Variants in CTNNA3 observed in about 807,000 individuals in gnomAD.
CTNNA3 encodes the protein catenin alpha 3, also known as catenin alpha-3.
In CTNNA3, 76 loss-of-function variants were observed where a neutral mutation model predicts 95.7. The ratio of observed to expected loss-of-function variants is 0.79; its 90% confidence interval spans 0.66 to 0.96. The LOEUF (loss-of-function observed/expected upper bound fraction) is 0.96. Among genes scored for constraint, CTNNA3 ranks in the 40% least tolerant of loss-of-function variants. CTNNA3 has a pLI of 0.00. For missense variants in CTNNA3, 1,191 were observed against 1,089.8 expected (o/e 1.09, Z -1.31); for synonymous variants, 431 against 374.4 (o/e 1.15, Z -1.74).
intron 13 of CTNNA3, among the ~76,000 whole-genome samples, chr10:66,232,023 T>C (rs1334466609): frequency 1.3e-5 from 2 of 152,148 alleles, no homozygotes; most frequent in African/African-American, 2.4e-5. Context: ...AAGATACAGA[T>C]CCAAGAATAT....
intron 5 of CTNNA3, among the ~76,000 whole-genome samples, chr10:67,419,890 C>T (rs1421686935): frequency 4.6e-5 from 7 of 151,560 alleles, no homozygotes; most frequent in Admixed American, 6.6e-5. Flanking sequence ...CTCGCTCTGT[C>T]GCCCAGGCTG....
At position 67,180,474 on chromosome 10, in the gene CTNNA3, C is replaced by T. The variant is rs201596778; in HGVS notation, c.890G>A (p.Arg297Gln). Residue 297 changes from arginine (R) to glutamine (Q), a missense_variant, in exon 7 of 18, where the codon CGA becomes CAA. Coordinates refer to ENST00000433211, the MANE Select transcript of CTNNA3 (RefSeq NM_013266.4). The part of the protein sequence containing the change: ...NPLTVTEEEI[R>Q]PSLEKRLEAI... Reference sequence around the variant, plus strand: ...TTCAAGGCGTTTCTCTAGTGATGGTCGTATTTCCTCCTCAGTTACTGTGAG... The same window carrying T: ...TTCAAGGCGTTTCTCTAGTGATGGTTGTATTTCCTCCTCAGTTACTGTGAG... 8.7e-6 allele frequency: 14 copies of T among 1,613,650 alleles called. No homozygotes were observed. Among genetic ancestry groups the T allele is most frequent in the East Asian group, 6.7e-5 (3 of 44,846 alleles).
At chr10:66,902,508 G>C (rs577336337) in intron 7 of CTNNA3, among the ~76,000 whole-genome samples, 16 of 152,238 alleles carry the variant, frequency 1.1e-4, no homozygotes, top group Non-Finnish European at 1.8e-4. Flanking sequence ...AAAGCTAGCA[G>C]AAGGCTAAAA....
rs944524366 is a variant in CTNNA3, at chr10:65,918,099, T to C, written c.*2231A>G. 8.5e-5 allele frequency: 13 copies of C among 152,282 alleles called. No homozygotes were observed. Among genetic ancestry groups the C allele is most frequent in the African/African-American group, 2.9e-4 (12 of 41,566 alleles). 9.4% of individuals were successfully genotyped at this position (152,282 alleles called of 1,614,324 possible). ...ATCTGCCTGGGTTAAAGAGGAGAACTTGTTCACATCTCACTTTGGGTAAAA... is the reference window on the plus strand; with the variant it reads ...ATCTGCCTGGGTTAAAGAGGAGAACCTGTTCACATCTCACTTTGGGTAAAA... On this transcript the variant is annotated 3_prime_UTR_variant, in exon 18 of 18. Coordinates refer to ENST00000433211, the MANE Select transcript of CTNNA3 (RefSeq NM_013266.4).
intron 11 of CTNNA3, among the ~76,000 whole-genome samples, chr10:66,453,090 A>T (rs929744305): frequency 6.6e-6 from 1 of 151,844 alleles, no homozygotes; most frequent in Non-Finnish European, 1.5e-5. Context: ...GGCGGCATGC[A>T]CCTGTAGTCC....
At chr10:66,065,953 T>A (rs1191039568) in intron 15 of CTNNA3, among the ~76,000 whole-genome samples, 4 of 152,128 alleles carry the variant, frequency 2.6e-5, no homozygotes, top group Non-Finnish European at 5.9e-5. Context: ...AATCTCCGCA[T>A]CCTGGGTTCA....
chr10:66,671,341 T>A (rs528303753), intron 9 of CTNNA3, among the ~76,000 whole-genome samples: 2 of 152,286 alleles, frequency 1.3e-5, no homozygotes, highest in African/African-American at 2.4e-5. Context: ...ATCATTTTTT[T>A]AATATTTGAA....
chr10:67,265,602 G>T (rs1462022936), intron 5 of CTNNA3, among the ~76,000 whole-genome samples: 1 of 152,092 alleles, frequency 6.6e-6, no homozygotes, highest in African/African-American at 2.4e-5. Context: ...CCTACTCCCT[G>T]CACTAGATAC....
At chr10:67,659,110 T>TA (rs967509235) in intron 1 of CTNNA3, among the ~76,000 whole-genome samples, 88 of 146,158 alleles carry the variant, frequency 6.0e-4, no homozygotes, top group African/African-American at 1.4e-3. Flanking sequence ...GCAAAAAAGG[T>TA]AAAAAAAAAA....
chr10:67,693,565 TC>T (rs1321715093), intron 1 of CTNNA3, among the ~76,000 whole-genome samples: 15 of 152,162 alleles, frequency 9.9e-5, no homozygotes, highest in Non-Finnish European at 1.5e-4. Context: ...GAAACTCCCA[TC>T]CTTCTGTAGC....
chr10:67,758,282 A>C (rs1167430170), intron 1 of CTNNA3, among the ~76,000 whole-genome samples: 1 of 146,000 alleles, frequency 6.8e-6, no homozygotes, highest in Non-Finnish European at 1.5e-5. Context: ...TCATGTGTAT[A>C]TGTATATACA....
At chr10:66,611,241 CAAT>C (rs915346812) in intron 10 of CTNNA3, among the ~76,000 whole-genome samples, 4 of 151,944 alleles carry the variant, frequency 2.6e-5, no homozygotes, top group African/African-American at 9.7e-5. Flanking sequence ...TTATAATTGA[CAAT>C]AACTTATTAT....
chr10:67,448,712 A>T (rs1846851945), intron 5 of CTNNA3, among the ~76,000 whole-genome samples: 2 of 151,336 alleles, frequency 1.3e-5, no homozygotes, highest in African/African-American at 4.8e-5. Context: ...AAGATTCTTT[A>T]AGATTGAATT....
chr10:67,489,165 TG>T (rs1443863269), intron 5 of CTNNA3, among the ~76,000 whole-genome samples: 1 of 152,228 alleles, frequency 6.6e-6, no homozygotes, highest in Non-Finnish European at 1.5e-5. Flanking sequence ...TCCCTGTTAA[TG>T]TATCTTTTAC....
At chr10:66,926,862 TGATTAAG>T in intron 7 of CTNNA3, 1 of 1,449,282 alleles carries the variant, frequency 6.9e-7, no homozygotes, top group Non-Finnish European at 9.2e-7. Context: ...TATTTTTGCT[TGATTAAG>T]GATTAATTCT....
chr10:67,148,058 A>C (rs4256882), intron 7 of CTNNA3, among the ~76,000 whole-genome samples: 97,256 of 151,978 alleles, frequency 0.64, 32,152 homozygotes, highest in African/African-American at 0.81. Context: ...GGGAAGAGAA[A>C]TGGAAAGGAT....
chr10:66,066,168 G>T (rs973355279), intron 15 of CTNNA3, among the ~76,000 whole-genome samples: 3 of 151,970 alleles, frequency 2.0e-5, no homozygotes, highest in Admixed American at 6.6e-5. Flanking sequence ...TAGCCACCAA[G>T]ATGATATTAT....
intron 7 of CTNNA3, among the ~76,000 whole-genome samples, chr10:67,153,037 G>A (rs1861154131): frequency 6.6e-6 from 1 of 151,754 alleles, no homozygotes; most frequent in African/African-American, 2.4e-5. Context: ...GTATAGTGGT[G>A]TGATATCAGC....
intron 13 of CTNNA3, among the ~76,000 whole-genome samples, chr10:66,134,850 A>G (rs1382760905): frequency 2.2e-5 from 1 of 46,276 alleles, no homozygotes; most frequent in African/African-American, 1.0e-4. Context: ...TTATTAACAG[A>G]GAAAAACAAA....
Sources: gnomAD v4.1 joint callset for allele counts (sites outside exome capture counted in the v4.1 genomes callset) on GRCh38, gnomAD v4.1.1 for gene constraint, MANE v1.5 for transcripts, NCBI Gene and HGNC (gene_info 2026-07-23, HGNC 2026-07-21) for gene names.